SH3BP5: variants seen among roughly 807,000 people sequenced by gnomAD.
SH3BP5 encodes the protein SH3 domain-binding protein 5.
Under a neutral mutation model 43.3 loss-of-function variants are expected in SH3BP5, and 22 were observed. That is an observed-to-expected ratio of 0.51 (90% CI 0.36 to 0.73). The LOEUF is 0.73. SH3BP5 is among the 30% of genes least tolerant of loss of function. The probability of loss-of-function intolerance (pLI) is 0.00; values close to 1 mark genes in which losing one functional copy is unlikely to be tolerated. For synonymous variants in SH3BP5, 255 were observed against 225.8 expected (o/e 1.13, Z -1.16); for missense variants, 529 against 586.9 (o/e 0.90, Z 1.02).
chr3:15,296,546 A>G (rs1173049432), intron 3 of SH3BP5, among the ~76,000 whole-genome samples: 1 of 152,204 alleles, frequency 6.6e-6, no homozygotes, highest in Non-Finnish European at 1.5e-5. Flanking sequence ...TGCTCAGTCA[A>G]TAGCTACCGA....
intron 2 of SH3BP5, among the ~76,000 whole-genome samples, chr3:15,321,399 A>G (rs4437128): frequency 0.056 from 8,527 of 152,244 alleles, 334 homozygotes; most frequent in Middle Eastern, 0.11. Context: ...GCAAACCCAC[A>G]ACATCAGGTT....
At chr3:15,256,372 A>C (rs570964011) in intron 8 of SH3BP5, 69 bp from the exon 9 acceptor site, 1 of 1,491,118 alleles carries the variant, frequency 6.7e-7, no homozygotes, top group African/African-American at 1.4e-5. Flanking sequence ...AGAAATACAA[A>C]GATTATCAAA....
chr3:15,258,540 C>G, intron 7 of SH3BP5: 1 of 445,718 alleles, frequency 2.2e-6, no homozygotes, highest in South Asian at 3.0e-5. Flanking sequence ...CTCTTCTTTC[C>G]TGCAGGACTT....
At chr3:15,262,488 C>T (rs1320301150) in intron 4 of SH3BP5, among the ~76,000 whole-genome samples, 199 bp from the exon 5 acceptor site, 2 of 152,102 alleles carry the variant, frequency 1.3e-5, no homozygotes, top group Non-Finnish European at 2.9e-5. Context: ...TGAAACCCGT[C>T]ACTGCTAAAA....
intron 3 of SH3BP5, among the ~76,000 whole-genome samples, chr3:15,298,731 T>C (rs934401134): frequency 6.6e-6 from 1 of 152,166 alleles, no homozygotes. Context: ...TCAGTACTTA[T>C]ATGAGGTACC....
chr3:15,320,952 G>T (rs1376298621), intron 2 of SH3BP5, among the ~76,000 whole-genome samples: 2 of 152,182 alleles, frequency 1.3e-5, no homozygotes, highest in Non-Finnish European at 2.9e-5. Context: ...GGGGCCAGAA[G>T]AGTTTGTATA....
At chr3:15,335,268 C>CT (rs1559464788), upstream of SH3BP5, among the ~76,000 whole-genome samples, 1 of 151,898 alleles carries the variant, frequency 6.6e-6, no homozygotes, top group Non-Finnish European at 1.5e-5. Context: ...ATCCCAGCTA[C>CT]TCGAGAGGCT....
At chr3:15,301,794 G>C (rs1186610155) in intron 3 of SH3BP5, among the ~76,000 whole-genome samples, 1 of 152,030 alleles carries the variant, frequency 6.6e-6, no homozygotes, top group Non-Finnish European at 1.5e-5. Flanking sequence ...CTGAATCAGA[G>C]GACCAGCCTT....
chr3:15,265,512 TCACACACACA>T (rs368955496), intron 4 of SH3BP5, among the ~76,000 whole-genome samples: 1,658 of 107,980 alleles, frequency 0.015, 13 homozygotes, highest in Non-Finnish European at 0.018. Flanking sequence ...CGAGACTCCG[TCACACACACA>T]CACACACACA....
intron 2 of SH3BP5, among the ~76,000 whole-genome samples, chr3:15,326,450 CGA>C (rs1698465895): frequency 6.6e-6 from 1 of 152,158 alleles, no homozygotes; most frequent in Admixed American, 6.5e-5. Context: ...ACAAAAATCA[CGA>C]GAGGTGCCGA....
chr3:15,323,183 G>A (rs1442685957), intron 2 of SH3BP5, among the ~76,000 whole-genome samples: 1 of 151,752 alleles, frequency 6.6e-6, no homozygotes, highest in Non-Finnish European at 1.5e-5. Context: ...CTCACTCAGG[G>A]AAACTAATTT....
At chr3:15,272,557 G>GGAGATTT (rs1559432604) in intron 3 of SH3BP5, among the ~76,000 whole-genome samples, 1 of 101,934 alleles carries the variant, frequency 9.8e-6, no homozygotes. Flanking sequence ...AGTGCCTGTA[G>GGAGATTT]GATAAAGACA....
intron 2 of SH3BP5, among the ~76,000 whole-genome samples, chr3:15,325,925 T>C (rs1698449587): frequency 2.0e-5 from 3 of 152,084 alleles, no homozygotes; most frequent in African/African-American, 7.2e-5. Context: ...AGGCTGAAGC[T>C]GGAGAATCGC....
intron 2 of SH3BP5, among the ~76,000 whole-genome samples, chr3:15,324,593 G>A (rs566135629): frequency 1.9e-3 from 6 of 3,134 alleles, no homozygotes; most frequent in Middle Eastern, 0.12. Flanking sequence ...TCCCTCCCCC[G>A]GTCTATCTAT....
chr3:15,310,181 A>G (rs891214047), intron 2 of SH3BP5, among the ~76,000 whole-genome samples: 1 of 152,200 alleles, frequency 6.6e-6, no homozygotes. Flanking sequence ...AACCAATGAG[A>G]CTTCATTTCG....
intron 2 of SH3BP5, among the ~76,000 whole-genome samples, chr3:15,316,219 C>CTTTTTTTTTTTTTTT (rs577644493): frequency 2.4e-5 from 2 of 81,686 alleles, no homozygotes; most frequent in Non-Finnish European, 4.4e-5. Flanking sequence ...AAAAGACTCG[C>CTTTTTTTTTTTTTTT]TTTTTTTTTT....
rs59434543 is a variant in SH3BP5 at position 15,304,244 on chromosome 3, G to A, written c.202-13C>T. 5.2e-4 allele frequency: 842 copies of A among 1,614,118 alleles called. 5 individuals carry two copies. The African/African-American group carries it at 0.01, about 19-fold the overall frequency. ...TCTGACGAGCATCCTGCAGCCAGGG[G>A]AAACCGAGGAAACACAGTTGAGGCT... On this transcript the variant is annotated splice_polypyrimidine_tract_variant and intron_variant, in intron 2 of 8. Coordinates refer to ENST00000383791, the MANE Select transcript of SH3BP5 (RefSeq NM_004844.5).
intron 4 of SH3BP5, 31 bp downstream of exon 4, chr3:15,269,682 C>T (rs367913739): frequency 6.5e-7 from 1 of 1,531,002 alleles, no homozygotes; most frequent in Non-Finnish European, 8.8e-7. Flanking sequence ...CACGCGCACA[C>T]CCCCACAGCA....
chr3:15,283,691 A>G (rs1013525218), intron 3 of SH3BP5, among the ~76,000 whole-genome samples: 1 of 152,204 alleles, frequency 6.6e-6, no homozygotes, highest in African/African-American at 2.4e-5. Context: ...AGAGACAGAA[A>G]AACAACAAAA....
Sources: gnomAD v4.1 joint callset for allele counts (sites outside exome capture counted in the v4.1 genomes callset) on GRCh38, gnomAD v4.1.1 for gene constraint, MANE v1.5 for transcripts, NCBI Gene and HGNC (gene_info 2026-07-23, HGNC 2026-07-21) for gene names.